ANKRD17: variants seen among roughly 807,000 people sequenced by gnomAD.
The protein encoded by ANKRD17 is ankyrin repeat domain-containing protein 17.
Under a neutral mutation model 229.7 loss-of-function variants are expected in ANKRD17, and 19 were observed. The ratio of observed to expected loss-of-function variants is 0.08; its 90% CI spans 0.06 to 0.12. The LOEUF is 0.12. ANKRD17 is among the 10% of genes least tolerant of loss of function. ANKRD17 has a pLI of 1.00. For synonymous variants in ANKRD17, 1,112 were observed against 1,146.1 expected, an observed-to-expected ratio of 0.97 and a Z score of 0.60; for missense variants, 2,176 against 3,176.8, an observed-to-expected ratio of 0.68 and a Z score of 7.57.
In ANKRD17 at chr4:73,191,341, ATGTGTGTGTGTGTGTGTGTG is replaced by A. The variant is rs71655741; in HGVS notation, c.394-13828_394-13809del. ...AATAGGCCCCTACCAAAAAATATAT[ATGTGTGTGTGTGTGTGTGTG>A]TGTGTGTGTGTGTGTGTGTGTGTGT... On this transcript the variant is annotated intron_variant, in intron 1 of 33. Coordinates refer to ENST00000358602, the MANE Select transcript of ANKRD17 (RefSeq NM_032217.5). Among the ~76,000 whole-genome samples, 58 of 125,284 alleles carry A rather than the reference ATGTGTGTGTGTGTGTGTGTG, an allele frequency of 4.6e-4. 1 individual carries two copies. In the South Asian group the frequency reaches 0.015, roughly 32 times the overall value. The allele number at this position is 125,284 out of a possible 152,430, so 82.2% of individuals were successfully genotyped here. A position where few individuals can be genotyped will look rare whatever the true frequency, so the allele number is the denominator to read the frequency against.
intron 22 of ANKRD17, among the ~76,000 whole-genome samples, 193 bp downstream of exon 22, chr4:73,118,495 G>T (rs548889517): frequency 2.0e-5 from 3 of 151,572 alleles, no homozygotes; most frequent in Non-Finnish European, 4.4e-5. Flanking sequence ...GTCCAATAAG[G>T]TTAAAATTAA....
At chr4:73,251,166 A>G (rs1171812445) in intron 1 of ANKRD17, among the ~76,000 whole-genome samples, 1 of 152,206 alleles carries the variant, frequency 6.6e-6, no homozygotes, top group Non-Finnish European at 1.5e-5. Flanking sequence ...GTTTCACAGG[A>G]CAGAAGGCAG....
intron 1 of ANKRD17, among the ~76,000 whole-genome samples, chr4:73,180,016 A>G (rs1735333792): frequency 6.6e-6 from 1 of 152,162 alleles, no homozygotes; most frequent in African/African-American, 2.4e-5. Flanking sequence ...TTTCAATTTA[A>G]TAAGAAAAGA....
At chr4:73,192,906 T>A (rs1244580939) in intron 1 of ANKRD17, among the ~76,000 whole-genome samples, 2 of 152,138 alleles carry the variant, frequency 1.3e-5, no homozygotes, top group African/African-American at 4.8e-5. Flanking sequence ...TTCTTTTAAT[T>A]CTTTTTCTTT....
intron 2 of ANKRD17, 131 bp downstream of exon 2, chr4:73,177,249 G>T: frequency 1.1e-6 from 1 of 891,482 alleles, no homozygotes; most frequent in Non-Finnish European, 1.5e-6. Context: ...TCAGCAGAAA[G>T]TAATCAATTA....
intron 1 of ANKRD17, among the ~76,000 whole-genome samples, chr4:73,235,987 A>G (rs540675404): frequency 6.6e-6 from 1 of 151,480 alleles, no homozygotes; most frequent in East Asian, 2.0e-4. Context: ...TACAGGCATG[A>G]GCCACCACGC....
chr4:73,097,934 C>A, intron 26 of ANKRD17, 139 bp downstream of exon 26: 1 of 639,756 alleles, frequency 1.6e-6, no homozygotes, highest in Non-Finnish European at 2.5e-6. Flanking sequence ...TTCTTCAATT[C>A]AATTGAAACA....
At chr4:73,111,934 T>C (rs762778066) in intron 24 of ANKRD17, among the ~76,000 whole-genome samples, 1 of 152,206 alleles carries the variant, frequency 6.6e-6, no homozygotes, top group African/African-American at 2.4e-5. Flanking sequence ...ATACAATATT[T>C]AGAATGTTGA....
At chr4:73,142,519 A>T in intron 12 of ANKRD17, 121 bp downstream of exon 12, 1 of 1,584,854 alleles carries the variant, frequency 6.3e-7, no homozygotes, top group Non-Finnish European at 8.6e-7. Flanking sequence ...CTTCAAGTGA[A>T]AAAGGAGAAA....
At chr4:73,219,748 G>C (rs182308891) in intron 1 of ANKRD17, among the ~76,000 whole-genome samples, 8 of 152,226 alleles carry the variant, frequency 5.3e-5, no homozygotes. Flanking sequence ...CCTGGCTTTA[G>C]ATGACAAAAG....
In ANKRD17 at chr4:73,115,925, T is replaced by C. The variant is rs1725880735; in HGVS notation, c.4189-9A>G. The C allele has an allele frequency of 4.3e-6, 7 of 1,610,382 alleles. No individual in the cohort carries two copies. The highest frequency in any genetic ancestry group is 5.9e-6 in the Non-Finnish European group (7 of 1,177,284). On this transcript the variant is annotated splice_polypyrimidine_tract_variant and intron_variant, in intron 22 of 33. Transcript: ENST00000358602. ...ACCACCTTCACATGACCCTAAAAAA[T>C]AGATATCAATGTCAGATTGAAAACA...
chr4:73,123,465 A>T (rs1434353434), intron 18 of ANKRD17, among the ~76,000 whole-genome samples: 1 of 152,082 alleles, frequency 6.6e-6, no homozygotes, highest in African/African-American at 2.4e-5. Context: ...AACAGTAGGG[A>T]CAGGCCAGGC....
At chr4:73,175,325 A>T (rs2148984134) in intron 2 of ANKRD17, among the ~76,000 whole-genome samples, 1 of 152,302 alleles carries the variant, frequency 6.6e-6, no homozygotes, top group Non-Finnish European at 1.5e-5. Flanking sequence ...TTACAAGAAC[A>T]GCATGGGGGA....
chr4:73,159,215 T>C (rs1435324885), intron 3 of ANKRD17, among the ~76,000 whole-genome samples: 2 of 152,256 alleles, frequency 1.3e-5, no homozygotes, highest in Admixed American at 6.5e-5. Flanking sequence ...CTAGACTCAA[T>C]GCTATCATTT....
At chr4:73,208,108 G>A (rs1739737633) in intron 1 of ANKRD17, among the ~76,000 whole-genome samples, 4 of 149,108 alleles carry the variant, frequency 2.7e-5, no homozygotes, top group Admixed American at 6.8e-5. Context: ...AGAATGGCGT[G>A]AGCCCGGGAG....
intron 26 of ANKRD17, among the ~76,000 whole-genome samples, chr4:73,097,836 T>C (rs139872738): frequency 4.6e-4 from 69 of 149,710 alleles, no homozygotes; most frequent in African/African-American, 1.3e-3. Flanking sequence ...ATATTTTTCA[T>C]GTGCTAAGTT....
At chr4:73,181,666 T>C (rs1188841560) in intron 1 of ANKRD17, among the ~76,000 whole-genome samples, 4 of 152,178 alleles carry the variant, frequency 2.6e-5, no homozygotes, top group Non-Finnish European at 4.4e-5. Context: ...ATTTTTATTA[T>C]ATTATTCTAC....
chr4:73,146,867 T>A lies in ANKRD17; in HGVS notation c.1766A>T (p.Asn589Ile). 6.2e-7 allele frequency: 1 copy of A among 1,611,212 alleles called. No homozygotes were observed. Among genetic ancestry groups the A allele is most frequent in the East Asian group, 2.2e-5 (1 of 44,826 alleles). The change falls in exon 10 of 34, where the codon AAC becomes ATC. Residue 589 changes from asparagine (N) to isoleucine (I), a missense_variant. Asn to Ile is a moderately radical substitution (Grantham distance 149, BLOSUM62 -3). Coordinates refer to ENST00000358602, the MANE Select transcript of ANKRD17 (RefSeq NM_032217.5). ...LVKYLLAAGA[N>I]VHATTATGDT... is the part of the protein sequence containing the mutation. Reference sequence around the variant, plus strand: ...CCCTGTTGCTGTTGTTGCATGAACGTTAGCTCCTGTAGTAGTCAACAAATA... The same window carrying A: ...CCCTGTTGCTGTTGTTGCATGAACGATAGCTCCTGTAGTAGTCAACAAATA...
At chr4:73,118,006 A>G (rs1041231103) in intron 22 of ANKRD17, among the ~76,000 whole-genome samples, 5 of 152,104 alleles carry the variant, frequency 3.3e-5, no homozygotes, top group Admixed American at 2.0e-4. Context: ...AGTAAAGTCA[A>G]TAATTGAAAT....
Sources: allele counts gnomAD v4.1 joint callset (sites outside exome capture counted in the v4.1 genomes callset), GRCh38; gene constraint gnomAD v4.1.1; transcripts MANE v1.5; gene names NCBI Gene and HGNC (gene_info 2026-07-23, HGNC 2026-07-21).